ATP9A: variants seen among roughly 807,000 people sequenced by gnomAD.
ATP9A encodes ATPase phospholipid transporting 9A, also known as probable phospholipid-transporting ATPase IIA.
A neutral mutation model predicts 144.1 loss-of-function variants in ATP9A; 52 were observed. The ratio of observed to expected loss-of-function variants is 0.36; its 90% CI spans 0.29 to 0.45. The LOEUF (loss-of-function observed/expected upper bound fraction) is 0.45. ATP9A is among the 20% of genes least tolerant of loss of function. The pLI is 1.00. For missense variants in ATP9A, 947 were observed against 1,392.7 expected (o/e 0.68, Z 5.09); for synonymous variants, 582 against 557.4 (o/e 1.04, Z -0.62).
chr20:51,728,625 T>TC (rs2077726222), intron 2 of ATP9A, among the ~76,000 whole-genome samples: 1 of 10,162 alleles, frequency 9.8e-5, no homozygotes, highest in Non-Finnish European at 2.5e-4. Flanking sequence ...AGACTCCATC[T>TC]CAAAAAAAAA....
intron 1 of ATP9A, among the ~76,000 whole-genome samples, chr20:51,739,136 G>A (rs2077774536): frequency 6.6e-6 from 1 of 152,074 alleles, no homozygotes; most frequent in South Asian, 2.1e-4. Context: ...ACCTGCACTT[G>A]GAAGGTTGCC....
At chr20:51,720,956 G>T (rs939283613) in intron 3 of ATP9A, among the ~76,000 whole-genome samples, 1 of 152,218 alleles carries the variant, frequency 6.6e-6, no homozygotes, top group Non-Finnish European at 1.5e-5. Context: ...TGTTATCAGA[G>T]GGGAAGGGAT....
At chr20:51,718,814 C>CAAAAAAAAAAAAAAAAAAAAAAAAAA (rs71192550) in intron 3 of ATP9A, among the ~76,000 whole-genome samples, 14 of 57,692 alleles carry the variant, frequency 2.4e-4, no homozygotes, top group Non-Finnish European at 4.0e-4. Context: ...GACTCCATCT[C>CAAAAAAAAAAAAAAAAAAAAAAAAAA]AAAAAAAAAA....
chr20:51,691,684 C>G (rs1333277018), intron 7 of ATP9A, among the ~76,000 whole-genome samples: 1 of 152,214 alleles, frequency 6.6e-6, no homozygotes, highest in African/African-American at 2.4e-5. Context: ...ATGGAAACAG[C>G]ACTTCCTCAA....
intron 6 of ATP9A, among the ~76,000 whole-genome samples, chr20:51,694,706 C>A (rs896388017): frequency 6.6e-6 from 1 of 152,218 alleles, no homozygotes; most frequent in Admixed American, 6.5e-5. Context: ...TCATTATGGG[C>A]TGGCACATTT....
intron 1 of ATP9A, among the ~76,000 whole-genome samples, chr20:51,757,851 A>T (rs2077863101): frequency 6.6e-6 from 1 of 152,048 alleles, no homozygotes; most frequent in South Asian, 2.1e-4. Context: ...GGTTGCAGTG[A>T]GATCGCACCC....
At chr20:51,746,437 G>A (rs1372961469) in intron 1 of ATP9A, among the ~76,000 whole-genome samples, 4 of 152,148 alleles carry the variant, frequency 2.6e-5, no homozygotes, top group Non-Finnish European at 4.4e-5. Context: ...GGTGGCTCAC[G>A]CCTGTAATCC....
In ATP9A at chr20:51,624,991, C is replaced by T. The variant is rs557875958; in HGVS notation, c.2016+201G>A. Among the ~76,000 whole-genome samples, 21 of 127,574 alleles carry T rather than the reference C, an allele frequency of 1.6e-4. No individual in the cohort carries two copies. In the South Asian group the frequency reaches 5.1e-3, roughly 31 times the overall value. 83.7% of individuals were successfully genotyped at this position (127,574 alleles called of 152,430 possible). A position where few individuals can be genotyped will look rare whatever the true frequency, so the allele number is the denominator to read the frequency against. On this transcript the variant is annotated intron_variant, in intron 18 of 27. Coordinates refer to ENST00000338821, the MANE Select transcript of ATP9A (RefSeq NM_006045.3). ...CTGCACTCCAGCCTGGGCGACACAG[C>T]GAGACCCCGTCTCAAAAAAAAAAAA...
chr20:51,674,770 C>T (rs1000625759), intron 10 of ATP9A, among the ~76,000 whole-genome samples: 6 of 152,070 alleles, frequency 3.9e-5, no homozygotes, highest in African/African-American at 7.2e-5. Context: ...AAGTCTGGGG[C>T]GCACACCAGT....
At chr20:51,609,200 C>A (rs1057227266) in intron 24 of ATP9A, among the ~76,000 whole-genome samples, 10 of 152,108 alleles carry the variant, frequency 6.6e-5, no homozygotes, top group Non-Finnish European at 1.3e-4. Context: ...GACCAGACCA[C>A]GGAAGGTCGC....
intron 13 of ATP9A, among the ~76,000 whole-genome samples, chr20:51,663,523 G>A (rs556929230): frequency 3.9e-4 from 59 of 152,078 alleles, no homozygotes; most frequent in Non-Finnish European, 6.9e-4. Flanking sequence ...ATGTAAACTC[G>A]GTGGCTCACA....
chr20:51,694,625 T>C (rs2077562857), intron 6 of ATP9A, among the ~76,000 whole-genome samples: 1 of 152,164 alleles, frequency 6.6e-6, no homozygotes, highest in Non-Finnish European at 1.5e-5. Context: ...TGTAGAGATG[T>C]TGTGACAATT....
intron 1 of ATP9A, among the ~76,000 whole-genome samples, chr20:51,756,366 C>A (rs1187743637): frequency 6.6e-6 from 1 of 151,944 alleles, no homozygotes; most frequent in South Asian, 2.1e-4. Flanking sequence ...TCTTGGCTCA[C>A]TGCAACCTCC....
intron 1 of ATP9A, among the ~76,000 whole-genome samples, chr20:51,750,951 C>A (rs952040465): frequency 6.6e-6 from 1 of 152,158 alleles, no homozygotes; most frequent in South Asian, 2.1e-4. Context: ...GCTATGGGAG[C>A]GTCCATGAGC....
chr20:51,689,218 T>C, intron 8 of ATP9A, 79 bp from the exon 9 acceptor site: 3 of 1,418,632 alleles, frequency 2.1e-6, no homozygotes, highest in East Asian at 2.3e-5. Flanking sequence ...CATGGTCCGC[T>C]GGAGATAGAA....
chr20:51,707,857 G>C (rs1190789911), intron 4 of ATP9A, among the ~76,000 whole-genome samples: 1 of 151,858 alleles, frequency 6.6e-6, no homozygotes, highest in Admixed American at 6.6e-5. Flanking sequence ...CTGTGTTTGT[G>C]TGTGTGTGTG....
rs186664211 is a variant in ATP9A at position 51,600,987 on chromosome 20, G to A, written c.*224C>T. 1.3e-5 allele frequency: 5 copies of A among 397,084 alleles called. No homozygotes were observed. The Admixed American group carries it at 2.1e-4, about 17-fold the overall frequency. 24.6% of individuals were successfully genotyped at this position (397,084 alleles called of 1,614,324 possible). ...AACATATTCATATTCACCTAAACATGAAGAACGAGGGGTTCAGACAGGCCC... is the reference window on the plus strand; with the variant it reads ...AACATATTCATATTCACCTAAACATAAAGAACGAGGGGTTCAGACAGGCCC... On this transcript the variant is annotated 3_prime_UTR_variant, in exon 28 of 28. Coordinates refer to ENST00000338821, the MANE Select transcript of ATP9A (RefSeq NM_006045.3).
chr20:51,710,417 T>C (rs2077632943), intron 4 of ATP9A, among the ~76,000 whole-genome samples: 1 of 152,220 alleles, frequency 6.6e-6, no homozygotes, highest in African/African-American at 2.4e-5. Context: ...GGTGAAGTTT[T>C]TGCTCAAGGA....
intron 7 of ATP9A, 103 bp downstream of exon 7, chr20:51,693,905 C>T: frequency 9.9e-7 from 1 of 1,012,460 alleles, no homozygotes; most frequent in South Asian, 1.5e-5. Context: ...CTACTGGCCC[C>T]ACTTCACAAG....
Sources: gnomAD v4.1 joint callset for allele counts (sites outside exome capture counted in the v4.1 genomes callset) on GRCh38, gnomAD v4.1.1 for gene constraint, MANE v1.5 for transcripts, NCBI Gene and HGNC (gene_info 2026-07-23, HGNC 2026-07-21) for gene names.